WWOX: variants seen among roughly 807,000 people sequenced by gnomAD.
WWOX encodes the protein WW domain containing oxidoreductase, also known as WW domain-containing oxidoreductase.
WWOX carries 69 observed loss-of-function variants against 46.2 expected under a neutral mutation model. That is an observed-to-expected ratio of 1.49 (90% confidence interval 1.23 to 1.82). The LOEUF is 1.82. WWOX is among the 40% of genes most tolerant of loss of function. WWOX has a pLI of 0.00. For synonymous variants in WWOX, 359 were observed against 202.6 expected (o/e 1.77, Z -6.56); for missense variants, 919 against 542.6 (o/e 1.69, Z -6.89).
At chr16:78,114,005 G>A (rs867534786) in intron 3 of WWOX, among the ~76,000 whole-genome samples, 1 of 150,700 alleles carries the variant, frequency 6.6e-6, no homozygotes, top group South Asian at 2.1e-4. Flanking sequence ...ATATTCTGAG[G>A]TCTTTATCTC....
At chr16:78,428,179 T>A (rs1051609828) in intron 7 of WWOX, among the ~76,000 whole-genome samples, 4 of 152,244 alleles carry the variant, frequency 2.6e-5, no homozygotes, top group Non-Finnish European at 5.9e-5. Context: ...AGAGCAAATG[T>A]CAATATTTTA....
chr16:78,605,018 C>G (rs2045721485), intron 8 of WWOX, among the ~76,000 whole-genome samples: 1 of 129,532 alleles, frequency 7.7e-6, no homozygotes, highest in African/African-American at 3.0e-5. Context: ...TTTTCCCTCC[C>G]TCTCTCCCTT....
At chr16:78,238,478 T>C (rs2037516351) in intron 5 of WWOX, among the ~76,000 whole-genome samples, 1 of 152,152 alleles carries the variant, frequency 6.6e-6, no homozygotes, top group Admixed American at 6.5e-5. Context: ...TTTTGTGTCT[T>C]TGTAGAGATG....
chr16:78,961,184 G>T lies in WWOX; in HGVS notation c.1057-250424G>T, dbSNP rs2046264177. ...CTCCTAAAAGCCAGGGGTCCTTTATGCAGGGATGGTGACATCAGAAGTTAA... is the reference window on the plus strand; with the variant it reads ...CTCCTAAAAGCCAGGGGTCCTTTATTCAGGGATGGTGACATCAGAAGTTAA... On this transcript the variant is annotated intron_variant, in intron 8 of 8. Coordinates refer to ENST00000566780, the MANE Select transcript of WWOX (RefSeq NM_016373.4). 2.6e-5 allele frequency among the ~76,000 whole-genome samples: 4 copies of T among 152,300 alleles called. No homozygotes were observed. The South Asian group carries it at 8.3e-4, about 32-fold the overall frequency.
intron 8 of WWOX, among the ~76,000 whole-genome samples, chr16:79,037,932 T>C (rs2047899516): frequency 6.6e-6 from 1 of 152,058 alleles, no homozygotes; most frequent in Non-Finnish European, 1.5e-5. Flanking sequence ...AGAAAAGCAC[T>C]CACACTCGCA....
At chr16:79,021,937 C>G (rs561784831) in intron 8 of WWOX, among the ~76,000 whole-genome samples, 3 of 152,208 alleles carry the variant, frequency 2.0e-5, no homozygotes, top group African/African-American at 7.2e-5. Context: ...ACCCAGTTCA[C>G]TGAGAGTTAA....
chr16:79,206,908 G>A (rs142442988), intron 8 of WWOX, among the ~76,000 whole-genome samples: 40 of 152,322 alleles, frequency 2.6e-4, no homozygotes, highest in African/African-American at 8.9e-4. Context: ...CTTGGATAGT[G>A]AGTAGGGAAC....
At chr16:79,167,554 C>T (rs927237959) in intron 8 of WWOX, among the ~76,000 whole-genome samples, 1 of 152,092 alleles carries the variant, frequency 6.6e-6, no homozygotes, top group Middle Eastern at 3.2e-3. Flanking sequence ...CTGGAATGCT[C>T]CATGGCCTCC....
intron 5 of WWOX, among the ~76,000 whole-genome samples, chr16:78,224,519 G>T (rs1490574907): frequency 1.3e-5 from 2 of 151,994 alleles, no homozygotes; most frequent in Admixed American, 6.6e-5. Flanking sequence ...TTTAATAGCT[G>T]CCCAATGTCC....
intron 8 of WWOX, among the ~76,000 whole-genome samples, chr16:78,972,883 A>G (rs1031574222): frequency 6.6e-6 from 1 of 152,224 alleles, no homozygotes; most frequent in Admixed American, 6.5e-5. Context: ...CCGCCTTGTA[A>G]GGGCTGCCTG....
intron 8 of WWOX, among the ~76,000 whole-genome samples, chr16:78,776,147 G>C (rs2050184361): frequency 6.6e-6 from 1 of 152,148 alleles, no homozygotes; most frequent in Admixed American, 6.5e-5. Context: ...TGCATGGCTT[G>C]GGCTAAAAAA....
intron 5 of WWOX, among the ~76,000 whole-genome samples, chr16:78,371,809 T>C (rs2081696919): frequency 1.3e-5 from 2 of 152,216 alleles, no homozygotes; most frequent in Non-Finnish European, 2.9e-5. Flanking sequence ...TCATTTATCT[T>C]TTATCTTTAA....
At chr16:78,100,305 T>C in intron 1 of WWOX, 3 of 1,002,354 alleles carry the variant, frequency 3.0e-6, no homozygotes, top group South Asian at 6.5e-5. Context: ...CAGGCTGGAG[T>C]GCAGGGGTGC....
chr16:78,736,115 A>T (rs944820483), intron 8 of WWOX, among the ~76,000 whole-genome samples: 11 of 152,176 alleles, frequency 7.2e-5, no homozygotes, highest in African/African-American at 2.7e-4. Flanking sequence ...GTGACAGGTG[A>T]GGAAAACAAC....
At chr16:78,915,967 T>C (rs1264453018) in intron 8 of WWOX, among the ~76,000 whole-genome samples, 4 of 152,136 alleles carry the variant, frequency 2.6e-5, no homozygotes, top group Non-Finnish European at 5.9e-5. Flanking sequence ...TGAAGGCCAA[T>C]AGATGATAGT....
chr16:78,433,334 T>C (rs1276634567), intron 8 of WWOX, among the ~76,000 whole-genome samples: 4 of 152,198 alleles, frequency 2.6e-5, no homozygotes, highest in East Asian at 3.9e-4. Context: ...TTTGGAAGTG[T>C]TTACAAAGGT....
At chr16:78,554,794 C>T (rs1014348849) in intron 8 of WWOX, among the ~76,000 whole-genome samples, 3 of 152,196 alleles carry the variant, frequency 2.0e-5, no homozygotes, top group African/African-American at 7.2e-5. Context: ...ACCTATCTGT[C>T]AGAAGCCCAC....
chr16:78,770,917 A>G (rs1482406019), intron 8 of WWOX, among the ~76,000 whole-genome samples: 1 of 152,236 alleles, frequency 6.6e-6, no homozygotes, highest in African/African-American at 2.4e-5. Context: ...GAGGAGCGTA[A>G]GAATTATTAT....
intron 5 of WWOX, among the ~76,000 whole-genome samples, chr16:78,220,799 G>T (rs1055929694): frequency 2.0e-5 from 3 of 152,152 alleles, no homozygotes; most frequent in African/African-American, 7.2e-5. Context: ...ATAGTTAGCG[G>T]CTAGGGAAGG....
Sources: allele counts gnomAD v4.1 joint callset (sites outside exome capture counted in the v4.1 genomes callset), GRCh38; gene constraint gnomAD v4.1.1; transcripts MANE v1.5; gene names NCBI Gene and HGNC (gene_info 2026-07-23, HGNC 2026-07-21).